Variants in TENM2 observed in about 807,000 individuals in gnomAD.
The protein encoded by TENM2 is teneurin-2.
Under a neutral mutation model 245.2 loss-of-function variants are expected in TENM2, and 52 were observed. That is an observed-to-expected ratio of 0.21 (90% CI 0.17 to 0.27). TENM2 has a LOEUF of 0.27. TENM2 is among the 10% of genes least tolerant of loss of function. The pLI is 1.00. For missense variants in TENM2, 3,046 were observed against 3,666.8 expected (o/e 0.83, Z 4.37); for synonymous variants, 1,363 against 1,438.9 (o/e 0.95, Z 1.19).
At chr5:168,071,856 C>G (rs1791037503) in intron 7 of TENM2, among the ~76,000 whole-genome samples, 1 of 152,166 alleles carries the variant, frequency 6.6e-6, no homozygotes, top group South Asian at 2.1e-4. Context: ...TCACAGTGCC[C>G]CTCAGGGGTG....
At chr5:168,071,100 C>T (rs961281671) in intron 7 of TENM2, among the ~76,000 whole-genome samples, 3 of 152,166 alleles carry the variant, frequency 2.0e-5, no homozygotes, top group African/African-American at 7.2e-5. Context: ...TGAACTCCAG[C>T]CTCCAATACT....
intron 2 of TENM2, chr5:167,755,020 A>G (rs771654938): frequency 1.3e-6 from 2 of 1,586,122 alleles, no homozygotes; most frequent in South Asian, 1.1e-5. Flanking sequence ...AGGGAAACAC[A>G]AAACGAAGAG....
At chr5:167,285,839 G>C (rs541388954) in intron 1 of TENM2, among the ~76,000 whole-genome samples, 1 of 152,228 alleles carries the variant, frequency 6.6e-6, no homozygotes, top group Non-Finnish European at 1.5e-5. Context: ...AATGCCTCGG[G>C]AAGGGTCACT....
intron 2 of TENM2, among the ~76,000 whole-genome samples, chr5:167,409,711 A>G (rs1762810503): frequency 6.6e-6 from 1 of 151,910 alleles, no homozygotes; most frequent in Non-Finnish European, 1.5e-5. Context: ...GTAAAAGTAT[A>G]TTGTATTGGT....
chr5:167,780,300 C>T (rs866761927), intron 2 of TENM2, among the ~76,000 whole-genome samples: 2 of 152,140 alleles, frequency 1.3e-5, no homozygotes, highest in Non-Finnish European at 2.9e-5. Flanking sequence ...AATCAAAACC[C>T]GCAGTGCTCT....
chr5:168,049,067 G>A (rs1352024723), intron 6 of TENM2, among the ~76,000 whole-genome samples: 1 of 152,178 alleles, frequency 6.6e-6, no homozygotes, highest in Non-Finnish European at 1.5e-5. Context: ...TTTATCTAGG[G>A]CAATGGTTCT....
intron 2 of TENM2, among the ~76,000 whole-genome samples, chr5:167,831,535 G>A (rs1768494116): frequency 7.0e-6 from 1 of 143,580 alleles, no homozygotes; most frequent in Non-Finnish European, 1.5e-5. Flanking sequence ...CATAAACAGA[G>A]TCACGTTTTG....
the TENM2 span, among the ~76,000 whole-genome samples, chr5:167,186,282 A>T: frequency 6.6e-6 from 1 of 152,350 alleles, no homozygotes; most frequent in African/African-American, 2.4e-5. Context: ...GGCATAAATT[A>T]ATATAGACGT....
intron 2 of TENM2, among the ~76,000 whole-genome samples, chr5:167,396,024 T>C (rs1762030399): frequency 6.6e-6 from 1 of 152,130 alleles, no homozygotes; most frequent in Non-Finnish European, 1.5e-5. Context: ...ATATATAAAA[T>C]GATACAACCA....
intron 4 of TENM2, among the ~76,000 whole-genome samples, chr5:167,954,586 A>T (rs1402449051): frequency 6.6e-6 from 1 of 152,142 alleles, no homozygotes; most frequent in Non-Finnish European, 1.5e-5. Context: ...CATCTATATT[A>T]GGTATTTCTC....
chr5:167,327,180 C>T (rs1001351685), intron 1 of TENM2, among the ~76,000 whole-genome samples: 9 of 152,246 alleles, frequency 5.9e-5, no homozygotes, highest in South Asian at 2.1e-4. Flanking sequence ...CCCCGCTCCC[C>T]GCATCCCACA....
chr5:167,197,302 G>C, the TENM2 span, among the ~76,000 whole-genome samples: 1 of 152,222 alleles, frequency 6.6e-6, no homozygotes, highest in South Asian at 2.1e-4. Context: ...CTGGAAGTCA[G>C]AAGTGGATTC....
At chr5:167,701,227 A>G (rs927683787) in intron 2 of TENM2, among the ~76,000 whole-genome samples, 2 of 152,042 alleles carry the variant, frequency 1.3e-5, no homozygotes, top group African/African-American at 4.8e-5. Context: ...ATCTCCCCCA[A>G]CTCTTGCAGG....
chr5:168,152,364 G>GCAA (rs1027933849), intron 12 of TENM2, among the ~76,000 whole-genome samples: 4 of 152,032 alleles, frequency 2.6e-5, no homozygotes, highest in East Asian at 1.9e-4. Context: ...TACACTAGGA[G>GCAA]CAACAACAAC....
the TENM2 span, among the ~76,000 whole-genome samples, chr5:167,139,837 C>T: frequency 2.0e-5 from 3 of 152,202 alleles, no homozygotes; most frequent in Non-Finnish European, 2.9e-5. Context: ...AAAGTCAAAA[C>T]CAAGCGTTGT....
chr5:167,212,544 A>G, the TENM2 span, among the ~76,000 whole-genome samples: 2 of 152,198 alleles, frequency 1.3e-5, no homozygotes, highest in Non-Finnish European at 1.5e-5. Context: ...AGAGCTTTTT[A>G]AGACTGATAA....
chr5:167,793,575 C>T (rs1001839103), intron 2 of TENM2, among the ~76,000 whole-genome samples: 1 of 152,106 alleles, frequency 6.6e-6, no homozygotes. Context: ...TGGCTCATGC[C>T]TGTAACCCTA....
At chr5:167,485,347 C>A (rs1359485948) in intron 2 of TENM2, among the ~76,000 whole-genome samples, 4 of 152,314 alleles carry the variant, frequency 2.6e-5, no homozygotes, top group African/African-American at 9.6e-5. Flanking sequence ...AAGGAAAAAA[C>A]CACATTATAG....
intron 12 of TENM2, among the ~76,000 whole-genome samples, chr5:168,131,724 T>G (rs1389086612): frequency 6.6e-6 from 1 of 152,168 alleles, no homozygotes; most frequent in African/African-American, 2.4e-5. Context: ...CATTCTAAGT[T>G]ATGAAAACTT....
Sources: gnomAD v4.1 joint callset for allele counts (sites outside exome capture counted in the v4.1 genomes callset) on GRCh38, gnomAD v4.1.1 for gene constraint, MANE v1.5 for transcripts, NCBI Gene and HGNC (gene_info 2026-07-23, HGNC 2026-07-21) for gene names.